BIRC6: variants seen among roughly 807,000 people sequenced by gnomAD.
The protein encoded by BIRC6 is dual E2 ubiquitin-conjugating enzyme/E3 ubiquitin-protein ligase BIRC6.
Under a neutral mutation model 503.3 loss-of-function variants are expected in BIRC6, and 98 were observed. That is an observed-to-expected ratio of 0.19 (90% CI 0.17 to 0.23). BIRC6 has a LOEUF of 0.23. BIRC6 is among the 10% of genes least tolerant of loss of function. The probability of loss-of-function intolerance (pLI) is 1.00; values close to 1 mark genes in which losing one functional copy is unlikely to be tolerated. For synonymous variants in BIRC6, 2,240 were observed against 2,078.7 expected, an observed-to-expected ratio of 1.08 and a Z score of -2.11; for missense variants, 5,360 against 5,806.0, an observed-to-expected ratio of 0.92 and a Z score of 2.50.
chr2:32,546,855 G>T (rs1348603867), intron 63 of BIRC6, among the ~76,000 whole-genome samples: 2 of 152,158 alleles, frequency 1.3e-5, no homozygotes, highest in Non-Finnish European at 2.9e-5. Flanking sequence ...GAGGCAGGCA[G>T]ATCACTTAAG....
chr2:32,508,746 C>G (rs1048532887), intron 51 of BIRC6, among the ~76,000 whole-genome samples: 3 of 152,042 alleles, frequency 2.0e-5, no homozygotes, highest in African/African-American at 7.2e-5. Context: ...ATTTTGACAG[C>G]TGGATGTTTT....
At position 32,447,564 on chromosome 2, in the gene BIRC6, G is replaced by A. The variant is rs1372423785; in HGVS notation, c.4485-1231G>A. Among the ~76,000 whole-genome samples, 13 of 105,274 alleles carry A rather than the reference G, an allele frequency of 1.2e-4. No homozygotes were observed. In the East Asian group the frequency reaches 3.3e-3, roughly 26 times the overall value. 69.1% of individuals were successfully genotyped at this position (105,274 alleles called of 152,430 possible). A position where few individuals can be genotyped will look rare whatever the true frequency, so the allele number is the denominator to read the frequency against. ...CCAGTAGGGGCGGCCGGGCAGAGGC[G>A]CCCCTCACCTCCCGGACGGGGCGGC... On this transcript the variant is annotated intron_variant, in intron 21 of 73. Coordinates refer to ENST00000421745, the MANE Select transcript of BIRC6 (RefSeq NM_016252.4).
Position 32,567,279 on chromosome 2 carries a change from C to T in BIRC6, c.13145-7877C>T, listed in dbSNP as rs1018720320. On this transcript the variant is annotated intron_variant, in intron 65 of 73. Transcript: ENST00000421745. ...GCCACCACACCTGGTCTACCCACTTCTTATGCTTTTTTAAAAAAATGTTTT... is the reference window on the plus strand; with the variant it reads ...GCCACCACACCTGGTCTACCCACTTTTTATGCTTTTTTAAAAAAATGTTTT... 9.9e-5 allele frequency among the ~76,000 whole-genome samples: 15 copies of T among 152,178 alleles called. 1 individual carries two copies. The East Asian group carries it at 2.9e-3, about 29-fold the overall frequency.
Position 32,499,650 on chromosome 2 carries a change from G to A in BIRC6, c.8572G>A (p.Ala2858Thr), listed in dbSNP as rs200636535. The A allele has an allele frequency of 1.2e-6, 2 of 1,613,858 alleles. No individual in the cohort carries two copies. The highest frequency in any genetic ancestry group is 1.7e-5 in the Admixed American group (1 of 60,022). ...FEVVSVSTISAVIESVTFLVH... is the reference protein window; with the variant it reads ...FEVVSVSTISTVIESVTFLVH... The stretch of plus-strand genomic sequence containing the variant: ...AGTCGTTTCAGTTAGTACTATTTCT[G>A]CCGTGATAGAATCGGTTACATTTTT... Residue 2858 changes from alanine (A) to threonine (T), a missense_variant, in exon 46 of 74, where the codon GCC becomes ACC. Coordinates refer to ENST00000421745, the MANE Select transcript of BIRC6 (RefSeq NM_016252.4).
At chr2:32,364,396 T>C (rs2034571557) in intron 1 of BIRC6, among the ~76,000 whole-genome samples, 1 of 152,096 alleles carries the variant, frequency 6.6e-6, no homozygotes, top group Non-Finnish European at 1.5e-5. Context: ...TGCGCCACCA[T>C]GCCTGGCTAA....
intron 9 of BIRC6, among the ~76,000 whole-genome samples, chr2:32,410,726 A>G (rs1437665693): frequency 6.7e-6 from 1 of 148,832 alleles, no homozygotes; most frequent in Non-Finnish European, 1.5e-5. Flanking sequence ...TTTGAAATGG[A>G]GTCTCGCTCT....
At chr2:32,550,002 T>G (rs2058319451) in intron 65 of BIRC6, among the ~76,000 whole-genome samples, 1 of 152,214 alleles carries the variant, frequency 6.6e-6, no homozygotes, top group Non-Finnish European at 1.5e-5. Context: ...ATAATATAGT[T>G]TATTATTTCC....
chr2:32,464,659 C>G lies in BIRC6; in HGVS notation c.5092C>G (p.Pro1698Ala), dbSNP rs1321408268. 1 of 1,613,860 alleles carries G rather than the reference C, an allele frequency of 6.2e-7. No individual in the cohort carries two copies. Among genetic ancestry groups the G allele is most frequent in the Non-Finnish European group, 8.5e-7 (1 of 1,179,886 alleles). Residue 1698 changes from proline (P) to alanine (A), a missense_variant, in exon 25 of 74, where the codon CCA (proline) becomes GCA (alanine). Pro to Ala is a conservative substitution (Grantham distance 27). Transcript: ENST00000421745. ...TCCATCTGATGTTATTCCACCCACTCCAAAAACAACACCTCTTTTTATGAC... is the reference window on the plus strand; with the variant it reads ...TCCATCTGATGTTATTCCACCCACTGCAAAAACAACACCTCTTTTTATGAC... ...IHPSDVIPPT[P>A]KTTPLFMTPP...
intron 65 of BIRC6, among the ~76,000 whole-genome samples, chr2:32,559,743 C>T (rs903731131): frequency 3.3e-5 from 5 of 151,382 alleles, no homozygotes; most frequent in East Asian, 1.9e-4. Context: ...AAAATAAGGC[C>T]GGCACAGTGG....
At chr2:32,430,475 ATT>A (rs767618303) in intron 11 of BIRC6, among the ~76,000 whole-genome samples, 4 of 152,048 alleles carry the variant, frequency 2.6e-5, no homozygotes, top group Non-Finnish European at 4.4e-5. Flanking sequence ...CTAGCATTTT[ATT>A]TTTTAAAAAA....
intron 56 of BIRC6, 101 bp from the exon 57 acceptor site, chr2:32,518,716 A>T: frequency 1.5e-6 from 2 of 1,327,240 alleles, no homozygotes; most frequent in East Asian, 2.5e-5. Context: ...ATCTTGTAGG[A>T]TTTATTGAGT....
At chr2:32,493,830 CCATTT>C (rs1298411106) in intron 45 of BIRC6, among the ~76,000 whole-genome samples, 163 bp downstream of exon 45, 1 of 152,130 alleles carries the variant, frequency 6.6e-6, no homozygotes, top group East Asian at 1.9e-4. Flanking sequence ...CTGATTGTTT[CCATTT>C]CATTTCATTA....
chr2:32,483,805 C>A (rs1426117184), intron 39 of BIRC6, among the ~76,000 whole-genome samples: 1 of 152,160 alleles, frequency 6.6e-6, no homozygotes, highest in Admixed American at 6.5e-5. Flanking sequence ...ACAAATAATG[C>A]TCCCCCCCAA....
intron 72 of BIRC6, 142 bp downstream of exon 72, chr2:32,607,785 C>G: frequency 1.8e-6 from 1 of 557,842 alleles, no homozygotes; most frequent in Non-Finnish European, 2.9e-6. Context: ...TGAGACCAGC[C>G]TGGCCAATAT....
At position 32,589,596 on chromosome 2, in the gene BIRC6, A is replaced by T. The variant is rs75647030; in HGVS notation, c.13356-4319A>T. On this transcript the variant is annotated intron_variant, in intron 66 of 73. Transcript: ENST00000421745. Reference sequence around the variant, plus strand: ...AGTCCTGATTTCTTAGCCAGATAGCATTTGTTATACCCATATATTTCTTTA... The same window carrying T: ...AGTCCTGATTTCTTAGCCAGATAGCTTTTGTTATACCCATATATTTCTTTA... Among the ~76,000 whole-genome samples, 404 of 152,318 alleles carry T rather than the reference A, an allele frequency of 2.7e-3. 6 individuals carry two copies. Among genetic ancestry groups the T allele is most frequent in the African/African-American group, 9.5e-3 (395 of 41,588 alleles).
At chr2:32,444,184 T>G (rs1264514694) in intron 20 of BIRC6, among the ~76,000 whole-genome samples, 1 of 152,062 alleles carries the variant, frequency 6.6e-6, no homozygotes, top group Non-Finnish European at 1.5e-5. Context: ...TATGAACATA[T>G]GGTTAGAAGA....
At chr2:32,404,288 A>C (rs2040940656) in intron 8 of BIRC6, among the ~76,000 whole-genome samples, 1 of 152,006 alleles carries the variant, frequency 6.6e-6, no homozygotes, top group South Asian at 2.1e-4. Flanking sequence ...CAATTCATGT[A>C]AGTGTACAAT....
chr2:32,572,611 T>C (rs1486781859), intron 65 of BIRC6, among the ~76,000 whole-genome samples: 1 of 152,220 alleles, frequency 6.6e-6, no homozygotes, highest in Non-Finnish European at 1.5e-5. Flanking sequence ...TTAGTAACTT[T>C]TGGATATAAT....
intron 45 of BIRC6, among the ~76,000 whole-genome samples, chr2:32,497,132 T>G (rs1029008034): frequency 3.3e-5 from 5 of 152,234 alleles, no homozygotes; most frequent in African/African-American, 1.2e-4. Context: ...TCTGTTGAAA[T>G]GAACATAGAT....
Sources: allele counts gnomAD v4.1 joint callset (sites outside exome capture counted in the v4.1 genomes callset), GRCh38; gene constraint gnomAD v4.1.1; transcripts MANE v1.5; gene names NCBI Gene and HGNC (gene_info 2026-07-23, HGNC 2026-07-21).